ANO3: variants seen among roughly 807,000 people sequenced by gnomAD.
ANO3 encodes the protein anoctamin-3.
In ANO3, 99 loss-of-function variants were observed where a neutral mutation model predicts 144.8. The ratio of observed to expected loss-of-function variants is 0.68; its 90% CI spans 0.58 to 0.81. The LOEUF (loss-of-function observed/expected upper bound fraction) is 0.81, where lower values mean the gene tolerates loss of function less well. Among genes scored for constraint, ANO3 ranks in the 30% least tolerant of loss-of-function variants. The pLI is 0.00. For synonymous variants in ANO3, 414 were observed against 392.6 expected (o/e 1.05, Z -0.64); for missense variants, 905 against 1,202.2 (o/e 0.75, Z 3.66).
intron 1 of ANO3, among the ~76,000 whole-genome samples, chr11:26,320,923 T>C (rs968514992): frequency 6.6e-6 from 1 of 152,160 alleles, no homozygotes; most frequent in Non-Finnish European, 1.5e-5. Context: ...CATCTGTTTA[T>C]ATTTTGAGTA....
intron 1 of ANO3, among the ~76,000 whole-genome samples, chr11:26,440,074 G>A (rs1858457834): frequency 6.6e-6 from 1 of 152,140 alleles, no homozygotes. Flanking sequence ...CACTGGGTGT[G>A]GGCGGAGGGC....
chr11:26,471,149 ACGT>A lies in ANO3; in HGVS notation c.432+8002_432+8004del, dbSNP rs1163692928. 3.3e-5 allele frequency among the ~76,000 whole-genome samples: 5 copies of A among 151,944 alleles called. No individual in the cohort carries two copies. The East Asian group carries it at 9.7e-4, about 30-fold the overall frequency. ...ACAAGAAAATAAGGAATTAACAGAA[ACGT>A]TTATTGCCCAAGTCTGTAAGCTAGG... On this transcript the variant is annotated intron_variant, in intron 4 of 26. Coordinates refer to ENST00000256737, the MANE Select transcript of ANO3 (RefSeq NM_031418.4).
At position 26,556,651 on chromosome 11, in the gene ANO3, C is replaced by T. The variant is rs60062744; in HGVS notation, c.1387-3068C>T. Among the ~76,000 whole-genome samples, 115 of 152,164 alleles carry T rather than the reference C, an allele frequency of 7.6e-4. 2 individuals are homozygous for T. The East Asian group carries it at 0.019, about 26-fold the overall frequency. On this transcript the variant is annotated intron_variant, in intron 13 of 26. Transcript: ENST00000256737. Reference sequence around the variant, plus strand: ...CTAGGACCAAATTTTTTAAAAGATACGTGGAGAATAGTCTAATCAAGACTG... The same window carrying T: ...CTAGGACCAAATTTTTTAAAAGATATGTGGAGAATAGTCTAATCAAGACTG...
At chr11:26,440,926 T>G (rs553502798) in intron 1 of ANO3, among the ~76,000 whole-genome samples, 1 of 151,626 alleles carries the variant, frequency 6.6e-6, no homozygotes, top group Non-Finnish European at 1.5e-5. Flanking sequence ...TGAAGAGGAA[T>G]GGAGACAGGG....
At chr11:26,403,686 T>C (rs1474768416) in intron 1 of ANO3, among the ~76,000 whole-genome samples, 1 of 151,922 alleles carries the variant, frequency 6.6e-6, no homozygotes. Context: ...TCAGAAAGAA[T>C]ATAAGACAAA....
At chr11:26,643,847 A>C (rs1473827044) in intron 23 of ANO3, among the ~76,000 whole-genome samples, 1 of 152,128 alleles carries the variant, frequency 6.6e-6, no homozygotes, top group African/African-American at 2.4e-5. Flanking sequence ...AGGACACAGC[A>C]TTCATCCCCT....
chr11:26,570,636 A>G (rs1287165147), intron 14 of ANO3, among the ~76,000 whole-genome samples: 1 of 152,118 alleles, frequency 6.6e-6, no homozygotes, highest in Non-Finnish European at 1.5e-5. Flanking sequence ...ACGACTATAC[A>G]TTGGGCTGCC....
At chr11:26,615,551 C>A (rs1852234320) in intron 17 of ANO3, among the ~76,000 whole-genome samples, 1 of 151,786 alleles carries the variant, frequency 6.6e-6, no homozygotes, top group Admixed American at 6.6e-5. Flanking sequence ...ATTTCTGGAT[C>A]TTTTAAATGA....
intron 1 of ANO3, among the ~76,000 whole-genome samples, chr11:26,209,787 CT>C (rs897329861): frequency 7.9e-5 from 12 of 151,720 alleles, no homozygotes; most frequent in African/African-American, 2.7e-4. Flanking sequence ...TAAATATCTT[CT>C]TTTGATAAGT....
intron 1 of ANO3, among the ~76,000 whole-genome samples, chr11:26,229,404 T>C (rs926068994): frequency 1.3e-5 from 2 of 152,228 alleles, no homozygotes; most frequent in African/African-American, 2.4e-5. Flanking sequence ...AGTCATATAC[T>C]TCAGCAAACC....
At chr11:26,469,077 T>G (rs1859691508) in intron 4 of ANO3, among the ~76,000 whole-genome samples, 1 of 151,964 alleles carries the variant, frequency 6.6e-6, no homozygotes, top group African/African-American at 2.4e-5. Flanking sequence ...TCGTCCTGTT[T>G]TCAGAGTCTT....
intron 1 of ANO3, among the ~76,000 whole-genome samples, chr11:26,200,113 A>G (rs1311739405): frequency 6.6e-6 from 1 of 152,136 alleles, no homozygotes; most frequent in Admixed American, 6.6e-5. Context: ...TGACCTGGGG[A>G]GCCTGAAAAT....
chr11:26,394,068 C>T (rs996926987), intron 1 of ANO3, among the ~76,000 whole-genome samples: 2 of 152,104 alleles, frequency 1.3e-5, no homozygotes, highest in South Asian at 4.1e-4. Flanking sequence ...ATACCAAAAT[C>T]TAATTTAACT....
intron 1 of ANO3, among the ~76,000 whole-genome samples, chr11:26,190,165 T>C (rs753880058): frequency 3.3e-5 from 5 of 152,180 alleles, no homozygotes; most frequent in Non-Finnish European, 5.9e-5. Flanking sequence ...ATTATAACTC[T>C]GGATATTGTT....
chr11:26,435,705 T>A (rs564223900), intron 1 of ANO3, among the ~76,000 whole-genome samples: 7 of 152,346 alleles, frequency 4.6e-5, no homozygotes, highest in African/African-American at 1.7e-4. Flanking sequence ...TGCTGCATTG[T>A]GAAATTATTG....
chr11:26,638,200 C>T (rs1042774760), intron 20 of ANO3, among the ~76,000 whole-genome samples: 1 of 152,160 alleles, frequency 6.6e-6, no homozygotes, highest in South Asian at 2.1e-4. Context: ...TTAGTGGCTC[C>T]CTTCTAAAAA....
intron 1 of ANO3, among the ~76,000 whole-genome samples, chr11:26,382,903 C>A (rs1856625426): frequency 6.6e-6 from 1 of 152,084 alleles, no homozygotes; most frequent in Admixed American, 6.6e-5. Context: ...CCTACAGTTA[C>A]AAATCCTTAT....
intron 1 of ANO3, among the ~76,000 whole-genome samples, chr11:26,311,200 G>T (rs1854495043): frequency 6.6e-6 from 1 of 152,140 alleles, no homozygotes; most frequent in Non-Finnish European, 1.5e-5. Context: ...TATGTGTCAG[G>T]TACTGTATTT....
At chr11:26,218,114 T>C (rs1389016405) in intron 1 of ANO3, among the ~76,000 whole-genome samples, 5 of 152,124 alleles carry the variant, frequency 3.3e-5, no homozygotes, top group Admixed American at 6.6e-5. Context: ...TGAGGTAGCA[T>C]TCTTTTAGTG....
Sources: allele counts gnomAD v4.1 joint callset (sites outside exome capture counted in the v4.1 genomes callset), GRCh38; gene constraint gnomAD v4.1.1; transcripts MANE v1.5; gene names NCBI Gene and HGNC (gene_info 2026-07-23, HGNC 2026-07-21).